Variants in CDYL2 observed in about 807,000 individuals in gnomAD.
The protein encoded by CDYL2 is chromodomain Y like 2.
Under a neutral mutation model 49.4 loss-of-function variants are expected in CDYL2, and 23 were observed. That is an observed-to-expected ratio of 0.47 (90% CI 0.34 to 0.66). The LOEUF (loss-of-function observed/expected upper bound fraction) is 0.66, where lower values mean the gene tolerates loss of function less well. CDYL2 is among the 30% of genes least tolerant of loss of function. CDYL2 has a pLI of 0.01. For synonymous variants in CDYL2, 360 were observed against 268.8 expected (o/e 1.34, Z -3.32); for missense variants, 678 against 656.4 (o/e 1.03, Z -0.36).
At chr16:80,735,854 G>C (rs1905504286) in intron 1 of CDYL2, among the ~76,000 whole-genome samples, 1 of 152,152 alleles carries the variant, frequency 6.6e-6, no homozygotes, top group Non-Finnish European at 1.5e-5. Context: ...AGAATGTTTT[G>C]GTCCCTAACC....
At chr16:80,627,978 T>C (rs1373023779) in intron 3 of CDYL2, 1 of 152,226 alleles carries the variant, frequency 6.6e-6, no homozygotes, top group Non-Finnish European at 1.5e-5. Context: ...AATTAGAATG[T>C]GATGTAAAAG....
At chr16:80,729,266 C>T (rs1052677814) in intron 1 of CDYL2, among the ~76,000 whole-genome samples, 2 of 151,542 alleles carry the variant, frequency 1.3e-5, no homozygotes, top group African/African-American at 4.8e-5. Context: ...ATCTACCAAG[C>T]AAATGGAAAA....
At chr16:80,801,319 T>C (rs1907920467) in intron 1 of CDYL2, among the ~76,000 whole-genome samples, 1 of 152,252 alleles carries the variant, frequency 6.6e-6, no homozygotes, top group Non-Finnish European at 1.5e-5. Context: ...CTTGATTTCT[T>C]ATTTCTTCAC....
chr16:80,780,453 G>A (rs1052840030), intron 1 of CDYL2, among the ~76,000 whole-genome samples: 5 of 133,170 alleles, frequency 3.8e-5, no homozygotes, highest in Non-Finnish European at 6.1e-5. Flanking sequence ...CACCCAGGCT[G>A]GAGTGCAGTG....
intron 2 of CDYL2, among the ~76,000 whole-genome samples, chr16:80,656,367 C>G (rs1273760134): frequency 2.0e-5 from 3 of 152,232 alleles, no homozygotes; most frequent in Non-Finnish European, 4.4e-5. Flanking sequence ...TCTGCTGAGC[C>G]CAAAAGCCAG....
intron 1 of CDYL2, among the ~76,000 whole-genome samples, chr16:80,703,695 C>G (rs960018327): frequency 2.6e-5 from 4 of 152,140 alleles, no homozygotes; most frequent in Non-Finnish European, 4.4e-5. Context: ...CAGAACCGCA[C>G]CTGGTGGTCA....
At position 80,666,657 on chromosome 16, in the gene CDYL2, C is replaced by T. The variant is rs537591949; in HGVS notation, c.616+17881G>A. Among the ~76,000 whole-genome samples the T allele has an allele frequency of 2.6e-5, 4 of 152,256 alleles. No homozygotes were observed. The Middle Eastern group carries it at 0.01, about 388-fold the overall frequency. On this transcript the variant is annotated intron_variant, in intron 2 of 6. Transcript: ENST00000570137. ...AGAGCCCTGACAAAATACGGGCTTT[C>T]CAGGACATGTTACCATGAGCAGAGG...
chr16:80,671,117 T>C (rs964966095), intron 2 of CDYL2, among the ~76,000 whole-genome samples: 4 of 152,144 alleles, frequency 2.6e-5, no homozygotes, highest in African/African-American at 9.7e-5. Flanking sequence ...GATGTTTCTC[T>C]GGAGTCACCC....
intron 1 of CDYL2, among the ~76,000 whole-genome samples, chr16:80,711,568 T>C (rs892677943): frequency 1.3e-5 from 2 of 152,228 alleles, no homozygotes; most frequent in Admixed American, 6.5e-5. Context: ...GTTTGGATCC[T>C]GACAGCTCTG....
chr16:80,722,528 CA>C (rs1905031990), intron 1 of CDYL2, among the ~76,000 whole-genome samples: 1 of 152,228 alleles, frequency 6.6e-6, no homozygotes, highest in African/African-American at 2.4e-5. Flanking sequence ...AATGGGCACA[CA>C]AGCTGCATGT....
At chr16:80,674,714 T>C (rs1377567839) in intron 2 of CDYL2, among the ~76,000 whole-genome samples, 1 of 152,240 alleles carries the variant, frequency 6.6e-6, no homozygotes, top group Non-Finnish European at 1.5e-5. Flanking sequence ...TCATATCATA[T>C]GTGGTTTTGA....
At chr16:80,626,389 T>C (rs28435276) in intron 3 of CDYL2, among the ~76,000 whole-genome samples, 16,768 of 151,722 alleles carry the variant, frequency 0.11, 2,940 homozygotes, top group African/African-American at 0.38. Context: ...GGGGTTGGTA[T>C]GGCGTACAAC....
intron 1 of CDYL2, among the ~76,000 whole-genome samples, chr16:80,690,916 T>C (rs1262938469): frequency 1.3e-5 from 2 of 152,104 alleles, no homozygotes; most frequent in African/African-American, 4.8e-5. Context: ...ATGTATAAAA[T>C]TACAATTGCT....
In CDYL2 at chr16:80,612,668, G is replaced by A. The variant is rs755547899; in HGVS notation, c.1176C>T (p.Gly392=). ...PYATIRLTPA[G]CSSYTFPQIL... is the part of the protein sequence containing the mutation. Reference sequence around the variant, plus strand: ...TCTGGGGGAAGGTGTAGGAGGAGCAGCCAGCAGGCGTGAGGCGGATGGTGG... The same window carrying A: ...TCTGGGGGAAGGTGTAGGAGGAGCAACCAGCAGGCGTGAGGCGGATGGTGG... Residue 392 remains glycine (G), a synonymous_variant, in exon 5 of 7, where the codon GGC becomes GGT. Coordinates refer to ENST00000570137, the MANE Select transcript of CDYL2 (RefSeq NM_152342.4). This position sits in a 1 kb window ranked among gnomAD's most constrained non-coding sequence, Gnocchi z 5.0. 6 of 1,612,922 alleles carry A rather than the reference G, an allele frequency of 3.7e-6. No homozygotes were observed. The highest frequency in any genetic ancestry group is 3.7e-4 in the Middle Eastern group (2 of 5,358).
chr16:80,635,942 T>C (rs1907802160), intron 2 of CDYL2, among the ~76,000 whole-genome samples: 1 of 152,142 alleles, frequency 6.6e-6, no homozygotes, highest in Non-Finnish European at 1.5e-5. Context: ...TTGACAAATC[T>C]GACAAAAACA....
chr16:80,695,892 C>A (rs1300387786), intron 1 of CDYL2, among the ~76,000 whole-genome samples: 1 of 152,178 alleles, frequency 6.6e-6, no homozygotes, highest in East Asian at 1.9e-4. Flanking sequence ...CCACTACAGA[C>A]CAAATGAACC....
At chr16:80,769,509 A>G (rs1164619264) in intron 1 of CDYL2, among the ~76,000 whole-genome samples, 5 of 152,244 alleles carry the variant, frequency 3.3e-5, no homozygotes, top group African/African-American at 9.6e-5. Flanking sequence ...ACGACAGCCA[A>G]GTGGGTTAGA....
intron 1 of CDYL2, among the ~76,000 whole-genome samples, chr16:80,751,936 T>G (rs1049053979): frequency 6.6e-6 from 1 of 152,126 alleles, no homozygotes; most frequent in Non-Finnish European, 1.5e-5. Context: ...ATACTCTTTG[T>G]AGAAGGAAAC....
rs555519916 is a variant in CDYL2 at position 80,754,967 on chromosome 16, A to C, written c.24+49183T>G. 3.7e-3 allele frequency among the ~76,000 whole-genome samples: 560 copies of C among 152,234 alleles called. 4 individuals are homozygous for C. The highest frequency in any genetic ancestry group is 0.013 in the African/African-American group (527 of 41,532). On this transcript the variant is annotated intron_variant, in intron 1 of 6. Coordinates refer to ENST00000570137, the MANE Select transcript of CDYL2 (RefSeq NM_152342.4). ...AATATCATTAGGATTTCACTTCTGG[A>C]ACTTGGGCAGTCACCCACCAACAAA...
Sources: allele counts gnomAD v4.1 joint callset (sites outside exome capture counted in the v4.1 genomes callset), GRCh38; gene constraint gnomAD v4.1.1; non-coding constraint Gnocchi (gnomAD v3.1); transcripts MANE v1.5; gene names NCBI Gene and HGNC (gene_info 2026-07-23, HGNC 2026-07-21).